The following MAP3K5 variants were observed in gnomAD, a reference collection of about 807,000 sequenced individuals.
MAP3K5 encodes the protein mitogen-activated protein kinase kinase kinase 5, also known as ASK-1.
In MAP3K5, 56 loss-of-function variants were observed where a neutral mutation model predicts 158.7. The observed-to-expected ratio is 0.35, with a 90% CI of 0.28 to 0.44. MAP3K5 has a LOEUF of 0.44. Ranked by LOEUF, MAP3K5 falls within the 20% of genes least tolerant of loss-of-function variation. MAP3K5 has a pLI of 1.00. For synonymous variants in MAP3K5, 579 were observed against 601.7 expected, an observed-to-expected ratio of 0.96 and a Z score of 0.55; for missense variants, 1,294 against 1,674.8, an observed-to-expected ratio of 0.77 and a Z score of 3.97.
intron 14 of MAP3K5, among the ~76,000 whole-genome samples, chr6:136,628,117 CTT>C (rs398066307): frequency 1.4e-5 from 2 of 144,950 alleles, no homozygotes; most frequent in Non-Finnish European, 3.0e-5. Flanking sequence ...ATATTTAAAT[CTT>C]TTTTTTTTTT....
chr6:136,682,697 C>T (rs1219831345), intron 7 of MAP3K5, among the ~76,000 whole-genome samples: 2 of 152,150 alleles, frequency 1.3e-5, no homozygotes, highest in Non-Finnish European at 2.9e-5. Flanking sequence ...CATGATTATG[C>T]TAATACAGTA....
intron 25 of MAP3K5, 36 bp downstream of exon 25, chr6:136,580,265 C>A: frequency 1.5e-6 from 2 of 1,325,728 alleles, no homozygotes; most frequent in Non-Finnish European, 2.2e-6. Flanking sequence ...AATATCCAAG[C>A]ACTAAATATG....
chr6:136,747,047 C>T (rs1400301592), intron 1 of MAP3K5, among the ~76,000 whole-genome samples: 1 of 152,108 alleles, frequency 6.6e-6, no homozygotes, highest in East Asian at 1.9e-4. Context: ...TCAGCCTCCC[C>T]AGTAGCTGGG....
chr6:136,694,460 C>G, intron 6 of MAP3K5, 150 bp from the exon 7 acceptor site: 1 of 634,752 alleles, frequency 1.6e-6, no homozygotes, highest in Non-Finnish European at 2.6e-6. Flanking sequence ...CTGTAAACCT[C>G]TGTCCTAAGC....
At chr6:136,589,409 G>A (rs1775284403) in intron 23 of MAP3K5, among the ~76,000 whole-genome samples, 1 of 152,178 alleles carries the variant, frequency 6.6e-6, no homozygotes, top group South Asian at 2.1e-4. Flanking sequence ...GACTGAGTGT[G>A]TCTGTGGGAG....
chr6:136,695,473 A>T (rs528608547), intron 6 of MAP3K5, among the ~76,000 whole-genome samples: 1 of 152,334 alleles, frequency 6.6e-6, no homozygotes, highest in South Asian at 2.1e-4. Flanking sequence ...ATTATAAAAA[A>T]GGTATCATTT....
intron 1 of MAP3K5, among the ~76,000 whole-genome samples, chr6:136,756,938 T>C (rs543776724): frequency 6.6e-6 from 1 of 152,336 alleles, no homozygotes; most frequent in Admixed American, 6.5e-5. Context: ...TGCATAGGCT[T>C]TCTCTTCAGA....
At position 136,792,014 on chromosome 6, in the gene MAP3K5, C is replaced by T. The variant is rs771258319; in HGVS notation, c.144G>A (p.Pro48=). 9.5e-6 allele frequency: 15 copies of T among 1,578,246 alleles called. No individual in the cohort carries two copies. Among genetic ancestry groups the T allele is most frequent in the South Asian group, 6.8e-5 (6 of 88,576 alleles). The change falls in exon 1 of 30, where the codon CCG becomes CCA. Residue 48 remains proline, a synonymous_variant. Transcript: ENST00000359015. This position sits in a 1 kb window ranked among gnomAD's most constrained non-coding sequence, Gnocchi z 5.7. ...CGTTCCAGAAGCTGCCCGGCGGCGG[C>T]GGTGGCAGCTGGTGCTCCTCGCCCT... ...VGEGEEHQLP[P]PPPGSFWNVE... is the part of the protein sequence containing the mutation.
chr6:136,685,184 G>A (rs981068587), intron 7 of MAP3K5, among the ~76,000 whole-genome samples: 1 of 152,012 alleles, frequency 6.6e-6, no homozygotes, highest in Non-Finnish European at 1.5e-5. Flanking sequence ...TGGGCATGGT[G>A]GCACGCGCCT....
chr6:136,575,619 C>T (rs151254367), intron 25 of MAP3K5, among the ~76,000 whole-genome samples: 113 of 152,280 alleles, frequency 7.4e-4, no homozygotes, highest in African/African-American at 2.4e-3. Context: ...TTATTTCTCA[C>T]GACCTTCACC....
At chr6:136,590,404 A>G (rs1249576541) in intron 23 of MAP3K5, among the ~76,000 whole-genome samples, 1 of 152,184 alleles carries the variant, frequency 6.6e-6, no homozygotes, top group Non-Finnish European at 1.5e-5. Flanking sequence ...ATGGCCTTCT[A>G]AACTATTACA....
chr6:136,562,662 CCTT>C lies in MAP3K5; in HGVS notation c.3762-50_3762-48del, dbSNP rs746050597. 6.4e-5 allele frequency: 63 copies of C among 991,760 alleles called. 1 individual carries two copies. In the Middle Eastern group the frequency reaches 1.0e-3, roughly 16 times the overall value. 61.4% of individuals were successfully genotyped at this position (991,760 alleles called of 1,614,324 possible). A position where few individuals can be genotyped will look rare whatever the true frequency, so the allele number is the denominator to read the frequency against. On this transcript the variant is annotated intron_variant, in intron 26 of 29. Coordinates refer to ENST00000359015, the MANE Select transcript of MAP3K5 (RefSeq NM_005923.4). ...TTTGACAGGAGGTGACACAGGGTGACCTTCTTTTTTTTATTTTTATTTTTTTAG... is the reference window on the plus strand; with the variant it reads ...TTTGACAGGAGGTGACACAGGGTGACCTTTTTTTTATTTTTATTTTTTTAG...
At chr6:136,561,152 C>A (rs887143224) in intron 28 of MAP3K5, among the ~76,000 whole-genome samples, 1 of 152,036 alleles carries the variant, frequency 6.6e-6, no homozygotes, top group Non-Finnish European at 1.5e-5. Flanking sequence ...GTACACACTG[C>A]AGCCCCACTG....
At chr6:136,714,465 G>C (rs1781438077) in intron 2 of MAP3K5, among the ~76,000 whole-genome samples, 1 of 152,128 alleles carries the variant, frequency 6.6e-6, no homozygotes, top group Admixed American at 6.6e-5. Context: ...CATGGGTCTA[G>C]GTATCACAGA....
At chr6:136,573,188 T>C (rs1047380553) in intron 25 of MAP3K5, among the ~76,000 whole-genome samples, 3 of 152,200 alleles carry the variant, frequency 2.0e-5, no homozygotes, top group African/African-American at 7.2e-5. Context: ...CATCATCCAG[T>C]CCACTGAGGA....
intron 18 of MAP3K5, among the ~76,000 whole-genome samples, chr6:136,606,867 A>C (rs907400136): frequency 6.6e-6 from 1 of 152,252 alleles, no homozygotes; most frequent in Non-Finnish European, 1.5e-5. Context: ...TCCTCTGAAA[A>C]GCACTATCAT....
At chr6:136,698,034 G>A (rs937544563) in intron 4 of MAP3K5, among the ~76,000 whole-genome samples, 2 of 152,262 alleles carry the variant, frequency 1.3e-5, no homozygotes, top group East Asian at 1.9e-4. Flanking sequence ...CATGAGCCAC[G>A]GCACTGGCCG....
intron 2 of MAP3K5, among the ~76,000 whole-genome samples, chr6:136,714,503 C>T (rs936651478): frequency 4.6e-5 from 7 of 152,132 alleles, no homozygotes; most frequent in South Asian, 2.1e-4. Context: ...TAGTTTTCAA[C>T]GTTCATTTAT....
intron 2 of MAP3K5, among the ~76,000 whole-genome samples, chr6:136,715,564 AT>A (rs1388032519): frequency 6.6e-6 from 1 of 152,170 alleles, no homozygotes; most frequent in Admixed American, 6.5e-5. Flanking sequence ...CTATCCTTTT[AT>A]AACACAAGTG....
Sources: gnomAD v4.1 joint callset for allele counts (sites outside exome capture counted in the v4.1 genomes callset) on GRCh38, gnomAD v4.1.1 for gene constraint, Gnocchi (gnomAD v3.1) non-coding constraint, MANE v1.5 for transcripts, NCBI Gene and HGNC (gene_info 2026-07-23, HGNC 2026-07-21) for gene names.